The following SPMIP2 variants were observed in gnomAD, a reference collection of about 807,000 sequenced individuals.
SPMIP2 encodes sperm microtubule inner protein 2, also known as protein SPMIP2.
the SPMIP2 span, among the ~76,000 whole-genome samples, chr4:159,050,542 C>T: frequency 0.17 from 26,496 of 151,948 alleles, 2,686 homozygotes; most frequent in African/African-American, 0.28. Context: ...ATGGCTCACA[C>T]GTGTAATCCC....
the SPMIP2 span, among the ~76,000 whole-genome samples, chr4:158,930,214 T>TCTCTCTCA: frequency 4.9e-3 from 458 of 93,188 alleles, 1 homozygote; most frequent in African/African-American, 0.021. Context: ...TCTCTCTCTC[T>TCTCTCTCA]CTCACTCGCT....
the SPMIP2 span, among the ~76,000 whole-genome samples, chr4:158,928,008 G>C: frequency 6.6e-6 from 1 of 152,210 alleles, no homozygotes; most frequent in Non-Finnish European, 1.5e-5. Context: ...CTCCTGTGCA[G>C]CCTGAACCTC....
chr4:158,925,914 T>G, the SPMIP2 span, among the ~76,000 whole-genome samples: 1 of 152,218 alleles, frequency 6.6e-6, no homozygotes, highest in East Asian at 1.9e-4. Flanking sequence ...TGCTTCCACC[T>G]AGACAGCCAT....
the SPMIP2 span, among the ~76,000 whole-genome samples, chr4:158,969,462 T>A: frequency 2.0e-5 from 3 of 152,200 alleles, no homozygotes; most frequent in African/African-American, 7.2e-5. Flanking sequence ...TGTTTATACA[T>A]ACATTTATTA....
chr4:159,022,801 G>C, the SPMIP2 span, among the ~76,000 whole-genome samples: 8 of 152,256 alleles, frequency 5.3e-5, no homozygotes, highest in East Asian at 1.9e-4. Context: ...GGAGGCTGAG[G>C]CTGGTGGATC....
At chr4:158,929,249 C>T in the SPMIP2 span, among the ~76,000 whole-genome samples, 1 of 152,210 alleles carries the variant, frequency 6.6e-6, no homozygotes, top group Non-Finnish European at 1.5e-5. Flanking sequence ...CGCTCCTGGC[C>T]CCAAGCAGTC....
At chr4:158,955,610 T>TG in the SPMIP2 span, among the ~76,000 whole-genome samples, 2 of 152,202 alleles carry the variant, frequency 1.3e-5, no homozygotes, top group African/African-American at 4.8e-5. Flanking sequence ...TTCACTACTT[T>TG]GGCCAGGCTA....
the SPMIP2 span, among the ~76,000 whole-genome samples, chr4:159,032,633 TAAGGAA>T: frequency 6.6e-6 from 1 of 152,144 alleles, no homozygotes; most frequent in East Asian, 1.9e-4. Flanking sequence ...CCAAACTGGC[TAAGGAA>T]AAGAGGAGAT....
chr4:159,044,528 A>G, the SPMIP2 span, among the ~76,000 whole-genome samples: 4 of 152,006 alleles, frequency 2.6e-5, no homozygotes, highest in African/African-American at 7.3e-5. Flanking sequence ...TGTATTAAGG[A>G]GAAATAATGT....
chr4:158,942,883 C>T, the SPMIP2 span, among the ~76,000 whole-genome samples: 1 of 152,152 alleles, frequency 6.6e-6, no homozygotes, highest in Admixed American at 6.6e-5. Flanking sequence ...GTAAAATTAC[C>T]TATTTATGTA....
chr4:158,914,282 C>T, the SPMIP2 span, among the ~76,000 whole-genome samples: 1 of 152,064 alleles, frequency 6.6e-6, no homozygotes, highest in African/African-American at 2.4e-5. Context: ...TTTTTCAATA[C>T]GAAGTATTCC....
chr4:159,068,558 C>T, the SPMIP2 span, among the ~76,000 whole-genome samples: 1 of 151,656 alleles, frequency 6.6e-6, no homozygotes, highest in Non-Finnish European at 1.5e-5. Flanking sequence ...ATACCTAATG[C>T]TAAATGACGA....
chr4:158,902,576 G>A, the SPMIP2 span, among the ~76,000 whole-genome samples: 2 of 152,222 alleles, frequency 1.3e-5, no homozygotes, highest in Non-Finnish European at 1.5e-5. Flanking sequence ...TGCTGAAGCT[G>A]TGCCTACAGC....
the SPMIP2 span, among the ~76,000 whole-genome samples, chr4:158,924,804 C>T: frequency 6.6e-6 from 1 of 152,202 alleles, no homozygotes; most frequent in South Asian, 2.1e-4. Context: ...ACCACCATGC[C>T]TGGCTTGACC....
At chr4:159,078,250 C>T in the SPMIP2 span, among the ~76,000 whole-genome samples, 61 of 152,312 alleles carry the variant, frequency 4.0e-4, no homozygotes, top group Non-Finnish European at 7.2e-4. Flanking sequence ...CCAAAGCTTG[C>T]TCTGAGATCC....
the SPMIP2 span, among the ~76,000 whole-genome samples, chr4:159,001,885 T>C: frequency 6.6e-6 from 1 of 152,378 alleles, no homozygotes; most frequent in East Asian, 1.9e-4. Context: ...CTGCATTAAA[T>C]GGCAGTTCTG....
At chr4:158,992,673 G>A in the SPMIP2 span, among the ~76,000 whole-genome samples, 1 of 152,226 alleles carries the variant, frequency 6.6e-6, no homozygotes, top group Non-Finnish European at 1.5e-5. Context: ...GGTGCTGGCA[G>A]GTTGTGTGAT....
chr4:159,019,450 A>G, the SPMIP2 span, among the ~76,000 whole-genome samples: 4 of 152,076 alleles, frequency 2.6e-5, no homozygotes, highest in Non-Finnish European at 5.9e-5. Context: ...CTCTGATTGC[A>G]AGGAAGGAAG....
the SPMIP2 span, among the ~76,000 whole-genome samples, chr4:159,054,894 G>A: frequency 6.8e-6 from 1 of 146,434 alleles, no homozygotes; most frequent in Admixed American, 7.1e-5. Flanking sequence ...TGCTCCCACT[G>A]GAGTCAGCAT....
Sources: gnomAD v4.1 joint callset for allele counts (sites outside exome capture counted in the v4.1 genomes callset) on GRCh38, gnomAD v4.1.1 for gene constraint, MANE v1.5 for transcripts, NCBI Gene and HGNC (gene_info 2026-07-23, HGNC 2026-07-21) for gene names.